The following CXADR variants were observed in gnomAD, a reference collection of about 807,000 sequenced individuals.
CXADR encodes coxsackievirus and adenovirus receptor.
CXADR carries 20 observed loss-of-function variants against 40.3 expected under a neutral mutation model. The ratio of observed to expected loss-of-function variants is 0.50; its 90% confidence interval spans 0.35 to 0.72. CXADR has a LOEUF of 0.72. Among genes scored for constraint, CXADR ranks in the 30% least tolerant of loss-of-function variants. CXADR has a pLI of 0.01. For missense variants in CXADR, 332 were observed against 449.1 expected, an observed-to-expected ratio of 0.74 and a Z score of 2.36; for synonymous variants, 150 against 161.3, an observed-to-expected ratio of 0.93 and a Z score of 0.53.
At chr21:17,614,359 A>G in the CXADR span, among the ~76,000 whole-genome samples, 3 of 152,228 alleles carry the variant, frequency 2.0e-5, no homozygotes, top group Non-Finnish European at 2.9e-5. Flanking sequence ...TAGTATTTAT[A>G]AATCTGTGGT....
the CXADR span, among the ~76,000 whole-genome samples, chr21:17,623,675 A>G: frequency 6.6e-6 from 1 of 152,188 alleles, no homozygotes; most frequent in Non-Finnish European, 1.5e-5. Flanking sequence ...ATGTCCCAAG[A>G]TAAACCCTTG....
At chr21:17,539,751 G>A (rs147391264) in intron 1 of CXADR, among the ~76,000 whole-genome samples, 2 of 152,058 alleles carry the variant, frequency 1.3e-5, no homozygotes, top group Non-Finnish European at 2.9e-5. Flanking sequence ...CAGTTCCCTC[G>A]TGTCTTTATT....
intron 1 of CXADR, chr21:17,518,648 C>G (rs537864029): frequency 1.9e-6 from 3 of 1,606,688 alleles, no homozygotes; most frequent in Non-Finnish European, 1.7e-6. Context: ...AACTGTTCAG[C>G]TAACTTCCTA....
chr21:17,518,930 G>A (rs1207586278), intron 1 of CXADR: 32 of 1,598,154 alleles, frequency 2.0e-5, no homozygotes, highest in South Asian at 3.3e-5. Flanking sequence ...TTCTTTCTGC[G>A]AGCTGTACCC....
At chr21:17,616,917 A>T in the CXADR span, among the ~76,000 whole-genome samples, 1 of 152,234 alleles carries the variant, frequency 6.6e-6, no homozygotes, top group Non-Finnish European at 1.5e-5. Flanking sequence ...GTATAAGCAT[A>T]AAGAAAATTT....
At chr21:17,574,989 A>G (rs2061308556), downstream of CXADR, among the ~76,000 whole-genome samples, 1 of 14,928 alleles carries the variant, frequency 6.7e-5, no homozygotes, top group Non-Finnish European at 1.4e-4. Context: ...TATATTACAT[A>G]TATACACACA....
chr21:17,575,454 T>G (rs2061314464), intron 7 of CXADR, among the ~76,000 whole-genome samples: 1 of 151,614 alleles, frequency 6.6e-6, no homozygotes, highest in Non-Finnish European at 1.5e-5. Flanking sequence ...GTCCTGGGAT[T>G]ACAGGTGTGA....
intron 1 of CXADR, among the ~76,000 whole-genome samples, chr21:17,534,060 C>T (rs975667311): frequency 4.2e-5 from 2 of 47,144 alleles, no homozygotes; most frequent in African/African-American, 5.4e-5. Context: ...ATATATATAG[C>T]TATATATATA....
the CXADR span, among the ~76,000 whole-genome samples, chr21:17,606,720 C>T: frequency 2.0e-5 from 3 of 152,042 alleles, no homozygotes; most frequent in Non-Finnish European, 4.4e-5. Flanking sequence ...CCATTAACTA[C>T]TCTTCAAAAA....
chr21:17,530,051 C>A lies in CXADR; in HGVS notation c.43+16879C>A, dbSNP rs144537680. ...GCAACCTACACCTCCTGGGTTCAAGCGATTCTCTTCCCTCAGCCTCCTGAG... is the reference window on the plus strand; with the variant it reads ...GCAACCTACACCTCCTGGGTTCAAGAGATTCTCTTCCCTCAGCCTCCTGAG... On this transcript the variant is annotated intron_variant, in intron 1 of 6. Coordinates refer to ENST00000284878, the MANE Select transcript of CXADR (RefSeq NM_001338.5). Among the ~76,000 whole-genome samples, 954 of 150,876 alleles carry A rather than the reference C, an allele frequency of 6.3e-3. 5 individuals carry two copies. The highest frequency in any genetic ancestry group is 0.01 in the Middle Eastern group (3 of 290).
At chr21:17,564,230 C>G (rs989531437) in intron 6 of CXADR, among the ~76,000 whole-genome samples, 1 of 150,886 alleles carries the variant, frequency 6.6e-6, no homozygotes, top group African/African-American at 2.4e-5. Context: ...CAGTGACTCA[C>G]GCCTGTAATC....
At chr21:17,614,554 C>T in the CXADR span, among the ~76,000 whole-genome samples, 1 of 152,028 alleles carries the variant, frequency 6.6e-6, no homozygotes, top group African/African-American at 2.4e-5. Flanking sequence ...ACCAACCTGG[C>T]CAACATCATG....
chr21:17,593,844 A>G (rs982336835), downstream of CXADR: 3 of 467,328 alleles, frequency 6.4e-6, no homozygotes, highest in African/African-American at 6.0e-5. Context: ...CACAATATAT[A>G]AATACTCAAG....
chr21:17,550,215 G>A (rs1299426032), intron 2 of CXADR, among the ~76,000 whole-genome samples: 8 of 152,004 alleles, frequency 5.3e-5, no homozygotes, highest in Admixed American at 2.6e-4. Flanking sequence ...ATTAGCAGAC[G>A]TGGTGGTGGG....
chr21:17,632,327 CAA>C, the CXADR span, among the ~76,000 whole-genome samples: 60,687 of 151,846 alleles, frequency 0.4, 12,228 homozygotes, highest in Middle Eastern at 0.46. Context: ...CTGTGAAAAA[CAA>C]AGTTTAAGAG....
At chr21:17,599,984 A>G in the CXADR span, among the ~76,000 whole-genome samples, 1 of 152,220 alleles carries the variant, frequency 6.6e-6, no homozygotes, top group Non-Finnish European at 1.5e-5. Context: ...CTTAAATTAT[A>G]TTGCTTACTT....
At chr21:17,613,332 G>C in the CXADR span, 1 of 152,546 alleles carries the variant, frequency 6.6e-6, no homozygotes, top group Non-Finnish European at 1.5e-5. Context: ...GCGAGTTCTA[G>C]ACCCAGCTCT....
At chr21:17,593,098 C>A in intron 7 of CXADR, 3 of 1,288,768 alleles carry the variant, frequency 2.3e-6, no homozygotes, top group South Asian at 2.6e-5. Flanking sequence ...AAAAATTTAC[C>A]TTTGGAGAAA....
At chr21:17,539,582 C>T (rs1461964711) in intron 1 of CXADR, among the ~76,000 whole-genome samples, 1 of 152,158 alleles carries the variant, frequency 6.6e-6, no homozygotes, top group Non-Finnish European at 1.5e-5. Context: ...ATGTCATTGT[C>T]TGTAATGCCT....
Sources: allele counts gnomAD v4.1 joint callset (sites outside exome capture counted in the v4.1 genomes callset), GRCh38; gene constraint gnomAD v4.1.1; transcripts MANE v1.5; gene names NCBI Gene and HGNC (gene_info 2026-07-23, HGNC 2026-07-21).